Variants in SPNS2 observed in about 807,000 individuals in gnomAD.
SPNS2 encodes the protein SPNS lysolipid transporter 2, sphingosine-1-phosphate.
SPNS2 carries 37 observed loss-of-function variants against 57.6 expected under a neutral mutation model. That is an observed-to-expected ratio of 0.64 (90% CI 0.49 to 0.85). The LOEUF (loss-of-function observed/expected upper bound fraction) is 0.85. SPNS2 is among the 40% of genes least tolerant of loss of function. The pLI, the probability that SPNS2 is intolerant of heterozygous loss-of-function variation, is 0.00. For synonymous variants in SPNS2, 440 were observed against 346.9 expected, an observed-to-expected ratio of 1.27 and a Z score of -2.98; for missense variants, 831 against 779.1, an observed-to-expected ratio of 1.07 and a Z score of -0.79.
Position 4,511,922 on chromosome 17 carries a change from C to T in SPNS2, c.371-1325C>T, listed in dbSNP as rs140207613. Among the ~76,000 whole-genome samples the T allele has an allele frequency of 2.9e-4, 44 of 152,324 alleles. No homozygotes were observed. In the East Asian group the frequency reaches 8.1e-3, roughly 28 times the overall value. On this transcript the variant is annotated intron_variant, in intron 1 of 12. Coordinates refer to ENST00000329078, the MANE Select transcript of SPNS2 (RefSeq NM_001124758.3). This position sits in a 1 kb window ranked among gnomAD's most constrained non-coding sequence, Gnocchi z 4.6. ...AGCTGCCAGCAGGATCCTCATACAG[C>T]ACCTGGAGATTCCACTTTTTCCTAC...
At chr17:4,536,984 G>C (rs754054474) in intron 12 of SPNS2, 38 bp downstream of exon 12, 31 of 1,608,842 alleles carry the variant, frequency 1.9e-5, no homozygotes, top group Non-Finnish European at 2.6e-5. Context: ...GGCTCCCTAA[G>C]GAAAGGGGAA....
chr17:4,523,298 C>T (rs557431819), intron 2 of SPNS2, among the ~76,000 whole-genome samples: 5 of 151,854 alleles, frequency 3.3e-5, no homozygotes, highest in African/African-American at 9.7e-5. Flanking sequence ...ATTAGCTGGG[C>T]GTGGTGGCAG....
At chr17:4,503,898 G>A (rs528056475) in intron 1 of SPNS2, among the ~76,000 whole-genome samples, 15 of 152,110 alleles carry the variant, frequency 9.9e-5, no homozygotes, top group South Asian at 2.1e-4. Flanking sequence ...AACACAAGCC[G>A]AGAGGGACTT....
chr17:4,537,740 T>C lies in SPNS2; in HGVS notation c.*292T>C, dbSNP rs772421242. On this transcript the variant is annotated 3_prime_UTR_variant, in exon 13 of 13. Coordinates refer to ENST00000329078, the MANE Select transcript of SPNS2 (RefSeq NM_001124758.3). The stretch of plus-strand genomic sequence containing the variant: ...GGAAGAAGACAGCCCCAAGTGGGTG[T>C]CCGGGGAGAGCCTGGCCTGCCACCA... 1 of 456,614 alleles carries C rather than the reference T, an allele frequency of 2.2e-6. No individual in the cohort carries two copies. Among genetic ancestry groups the C allele is most frequent in the South Asian group, 1.5e-5 (1 of 64,576 alleles). 28.3% of individuals were successfully genotyped at this position (456,614 alleles called of 1,614,324 possible).
In SPNS2 at chr17:4,536,921, G is replaced by C. The variant is rs531741353; in HGVS notation, c.1629G>C (p.Pro543=). Residue 543 remains proline, a synonymous_variant, in exon 12 of 13, where the codon CCG becomes CCC. Coordinates refer to ENST00000329078, the MANE Select transcript of SPNS2 (RefSeq NM_001124758.3). The part of the protein sequence containing the change: ...AEQQVNQLAM[P]PASVKV ...CCAGGGTGAACCAGCTGGCGATGCC[G>C]CCCGCATCTGTGAAAGTCTGAGGTG... The C allele has an allele frequency of 4.3e-6, 7 of 1,613,614 alleles. No homozygotes were observed. The highest frequency in any genetic ancestry group is 5.1e-6 in the Non-Finnish European group (6 of 1,179,848).
At chr17:4,530,854 A>C in intron 4 of SPNS2, 71 bp downstream of exon 4, 3 of 1,561,442 alleles carry the variant, frequency 1.9e-6, no homozygotes, top group Non-Finnish European at 2.6e-6. Context: ...GAGTTCTCCC[A>C]CTCCCTGGGG....
rs1224911235 is a variant in SPNS2, at chr17:4,533,843, A to C, written c.1334A>C (p.Asp445Ala). 2 of 1,613,266 alleles carry C rather than the reference A, an allele frequency of 1.2e-6. No individual in the cohort carries two copies. The highest frequency in any genetic ancestry group is 1.7e-6 in the Non-Finnish European group (2 of 1,179,958). ...LLFSNWAITA[D>A]ILMYVVIPTR... Reference sequence around the variant, plus strand: ...TTTTCTAACTGGGCCATCACTGCAGACATCCTCATGGTGAGCCAGGCAGGC... The same window carrying C: ...TTTTCTAACTGGGCCATCACTGCAGCCATCCTCATGGTGAGCCAGGCAGGC... Residue 445 changes from aspartate (D) to alanine (A), a missense_variant, in exon 9 of 13, where the codon GAC becomes GCC. Asp to Ala is a moderately radical substitution (Grantham distance 126). Transcript: ENST00000329078.
chr17:4,536,225 A>C (rs1253549587), intron 10 of SPNS2, 38 bp from the exon 11 acceptor site: 2 of 1,609,200 alleles, frequency 1.2e-6, no homozygotes, highest in Non-Finnish European at 1.7e-6. Flanking sequence ...GGACTGCAGG[A>C]GGGCTCTGCC....
intron 2 of SPNS2, 129 bp from the exon 3 acceptor site, chr17:4,524,928 G>T (rs1005441368): frequency 1.4e-6 from 2 of 1,382,332 alleles, no homozygotes; most frequent in South Asian, 1.4e-5. Flanking sequence ...TCGGGCCGAG[G>T]TTTCCTCTCT....
At chr17:4,532,785 C>G (rs551740401) in intron 6 of SPNS2, 101 bp downstream of exon 6, 2 of 1,479,716 alleles carry the variant, frequency 1.4e-6, no homozygotes, top group African/African-American at 2.8e-5. Flanking sequence ...AGCCAGACAC[C>G]CCACCTCTGC....
intron 8 of SPNS2, 74 bp from the exon 9 acceptor site, chr17:4,533,714 T>C: frequency 1.3e-6 from 2 of 1,526,388 alleles, no homozygotes; most frequent in Non-Finnish European, 9.1e-7. Flanking sequence ...CAGCAGCCAG[T>C]GTGTAGGGAA....
intron 2 of SPNS2, among the ~76,000 whole-genome samples, chr17:4,520,310 C>G (rs1176869177): frequency 6.6e-6 from 1 of 152,176 alleles, no homozygotes; most frequent in African/African-American, 2.4e-5. Flanking sequence ...AGTGAGGAGC[C>G]AGAAACCAGG....
At chr17:4,536,217 A>AC (rs766069385) in intron 10 of SPNS2, 43 bp downstream of exon 10, 1 of 1,607,002 alleles carries the variant, frequency 6.2e-7, no homozygotes, top group South Asian at 1.1e-5. Context: ...AGGCTGGGGG[A>AC]CTGCAGGAGG....
intron 2 of SPNS2, among the ~76,000 whole-genome samples, chr17:4,523,596 C>T (rs773632457): frequency 7.9e-5 from 12 of 152,252 alleles, no homozygotes; most frequent in Middle Eastern, 3.4e-3. Context: ...GGTGAAACCC[C>T]GTCTCTACTA....
At chr17:4,521,964 C>T (rs1224753038) in intron 2 of SPNS2, among the ~76,000 whole-genome samples, 2 of 152,180 alleles carry the variant, frequency 1.3e-5, no homozygotes, top group South Asian at 2.1e-4. Flanking sequence ...TTTGGGAGGC[C>T]GAGGCAGGAG....
intron 2 of SPNS2, among the ~76,000 whole-genome samples, chr17:4,516,533 C>A (rs893419635): frequency 6.6e-6 from 1 of 152,156 alleles, no homozygotes; most frequent in African/African-American, 2.4e-5. Flanking sequence ...CAAGCCACCA[C>A]CCAGGCACAG....
At chr17:4,535,980 A>T in intron 9 of SPNS2, 96 bp from the exon 10 acceptor site, 1 of 988,918 alleles carries the variant, frequency 1.0e-6, no homozygotes, top group East Asian at 2.5e-5. Context: ...AGTGAGTCTG[A>T]GGGTGTGGGG....
chr17:4,535,417 G>C (rs985412907), intron 9 of SPNS2, among the ~76,000 whole-genome samples: 1 of 152,200 alleles, frequency 6.6e-6, no homozygotes, highest in African/African-American at 2.4e-5. Flanking sequence ...AGCTTGATGG[G>C]AGGTGAGGAC....
In SPNS2 at chr17:4,537,439, ACC is replaced by A. The variant is rs1905912491; in HGVS notation, c.*5-11_*5-10del. 1 of 444,774 alleles carries A rather than the reference ACC, an allele frequency of 2.2e-6. No homozygotes were observed. Among genetic ancestry groups the A allele is most frequent in the Non-Finnish European group, 4.6e-6 (1 of 218,704 alleles). 27.6% of individuals were successfully genotyped at this position (444,774 alleles called of 1,614,324 possible). ...CACTAAGCCCCACTGCTGACCTGAC[ACC>A]CCTTTCCCCAGGTGCCATTGGGACA... is the stretch of plus-strand genomic sequence containing the variant. On this transcript the variant is annotated splice_polypyrimidine_tract_variant and intron_variant, in intron 12 of 12. Transcript: ENST00000329078.
Sources: allele counts gnomAD v4.1 joint callset (sites outside exome capture counted in the v4.1 genomes callset), GRCh38; gene constraint gnomAD v4.1.1; non-coding constraint Gnocchi (gnomAD v3.1); transcripts MANE v1.5; gene names NCBI Gene and HGNC (gene_info 2026-07-23, HGNC 2026-07-21).